RALGDS: variants seen among roughly 807,000 people sequenced by gnomAD.
RALGDS encodes the protein ral guanine nucleotide exchange factor.
In RALGDS, 44 loss-of-function variants were observed where a neutral mutation model predicts 99.8. That is an observed-to-expected ratio of 0.44 (90% CI 0.35 to 0.57). The LOEUF (loss-of-function observed/expected upper bound fraction) is 0.57. Ranked by LOEUF, RALGDS falls within the 20% of genes least tolerant of loss-of-function variation. RALGDS has a pLI of 0.01. For missense variants in RALGDS, 1,022 were observed against 1,203.1 expected (o/e 0.85, Z 2.23); for synonymous variants, 529 against 505.0 (o/e 1.05, Z -0.64).
chr9:133,127,287 G>A (rs1013987548), intron 1 of RALGDS, among the ~76,000 whole-genome samples: 7 of 152,252 alleles, frequency 4.6e-5, no homozygotes, highest in African/African-American at 1.7e-4. Context: ...CGGGAACTGG[G>A]CACAGGGCAG....
chr9:133,098,111 T>G lies in RALGDS; in HGVS notation c.*476A>C. On this transcript the variant is annotated 3_prime_UTR_variant, in exon 18 of 18. Transcript: ENST00000372050. ...CAGTTGGCCCTGATGATGGAATCTT[T>G]GGTGCAGCCTGAGAAAGGCTAGAGT... 1 of 272,716 alleles carries G rather than the reference T, an allele frequency of 3.7e-6. No homozygotes were observed. The highest frequency in any genetic ancestry group is 7.1e-6 in the Non-Finnish European group (1 of 140,922). The allele number at this position is 272,716 out of a possible 1,614,324, so 16.9% of individuals were successfully genotyped here.
At chr9:133,109,413 C>T (rs555392495) in intron 4 of RALGDS, among the ~76,000 whole-genome samples, 4 of 152,318 alleles carry the variant, frequency 2.6e-5, no homozygotes, top group East Asian at 1.9e-4. Context: ...GGGGCTGCCC[C>T]GAGCCCCAGC....
chr9:133,098,938 T>C (rs1830618531), intron 17 of RALGDS, 176 bp from the exon 18 acceptor site: 2 of 631,264 alleles, frequency 3.2e-6, no homozygotes, highest in South Asian at 3.8e-5. Context: ...GGACAGACTC[T>C]GCTGAGGTCC....
intron 1 of RALGDS, among the ~76,000 whole-genome samples, chr9:133,114,312 G>A (rs1472752637): frequency 6.6e-6 from 1 of 152,206 alleles, no homozygotes; most frequent in Non-Finnish European, 1.5e-5. Context: ...GCAGCAGCAG[G>A]CATGGAACCA....
chr9:133,139,167 G>A (rs369578605), intron 1 of RALGDS, among the ~76,000 whole-genome samples: 7 of 152,140 alleles, frequency 4.6e-5, no homozygotes, highest in East Asian at 3.9e-4. Flanking sequence ...CCCAACACAC[G>A]TGCTAGAATG....
chr9:133,107,916 A>G (rs1831151712), intron 6 of RALGDS, 72 bp downstream of exon 6: 12 of 1,568,054 alleles, frequency 7.7e-6, no homozygotes, highest in South Asian at 1.1e-5. Context: ...GGATCAGCAA[A>G]TGGTAGGTCT....
chr9:133,103,659 G>T, intron 11 of RALGDS, 88 bp downstream of exon 11: 1 of 1,328,168 alleles, frequency 7.5e-7, no homozygotes, highest in Non-Finnish European at 1.1e-6. Context: ...TTTACTCATT[G>T]CTGGGACAGG....
rs1057105260 is a variant in RALGDS at position 133,109,785 on chromosome 9, G to C, written c.489-64C>G. The C allele has an allele frequency of 3.9e-5, 55 of 1,427,534 alleles. No individual in the cohort carries two copies. In the African/African-American group the frequency reaches 7.1e-4, roughly 18 times the overall value. The allele number at this position is 1,427,534 out of a possible 1,614,324, so 88.4% of individuals were successfully genotyped here. On this transcript the variant is annotated intron_variant, in intron 3 of 17. Coordinates refer to ENST00000372050, the MANE Select transcript of RALGDS (RefSeq NM_006266.4). ...CTAGAACGGAGGCCCAGGAGGGCAGGGATTTTTTTTTTTGCTTTTTTTCAT... is the reference window on the plus strand; with the variant it reads ...CTAGAACGGAGGCCCAGGAGGGCAGCGATTTTTTTTTTTGCTTTTTTTCAT...
chr9:133,131,152 C>G, upstream of RALGDS: 1 of 1,422,674 alleles, frequency 7.0e-7, no homozygotes, highest in African/African-American at 1.5e-5. Context: ...CCCTGCTCCT[C>G]TGAGCATCTC....
intron 1 of RALGDS, among the ~76,000 whole-genome samples, chr9:133,136,353 C>T (rs114081720): frequency 0.028 from 4,301 of 152,302 alleles, 186 homozygotes; most frequent in African/African-American, 0.098. Flanking sequence ...AACATTTCAC[C>T]TTGGCCGGGC....
rs1430407691 is a variant in RALGDS, at chr9:133,144,396, C to T, written c.18+4567G>A. Among the ~76,000 whole-genome samples, 1 of 152,202 alleles carries T rather than the reference C, an allele frequency of 6.6e-6. No individual in the cohort carries two copies. The highest frequency in any genetic ancestry group is 1.5e-5 in the Non-Finnish European group (1 of 68,032). On this transcript the variant is annotated intron_variant, in intron 1 of 17. Transcript: ENST00000393160. This position sits in a 1 kb window ranked among gnomAD's most constrained non-coding sequence, Gnocchi z 4.5. ...TGTCACCTCCTCCTCCGCCCCCCGCCGGCCTCCGACGCAAAGTCGCCACCC... is the reference window on the plus strand; with the variant it reads ...TGTCACCTCCTCCTCCGCCCCCCGCTGGCCTCCGACGCAAAGTCGCCACCC...
chr9:133,110,166 C>T, intron 3 of RALGDS, 130 bp downstream of exon 3: 1 of 990,486 alleles, frequency 1.0e-6, no homozygotes, highest in African/African-American at 1.6e-5. Flanking sequence ...CCTCTTAGCA[C>T]TCCAGTTTCT....
In RALGDS at chr9:133,144,666, C is replaced by T. The variant is rs1299475773; in HGVS notation, c.18+4297G>A. Among the ~76,000 whole-genome samples, 1 of 152,228 alleles carries T rather than the reference C, an allele frequency of 6.6e-6. No individual in the cohort carries two copies. Among genetic ancestry groups the T allele is most frequent in the African/African-American group, 2.4e-5 (1 of 41,466 alleles). On this transcript the variant is annotated intron_variant, in intron 1 of 17. Transcript: ENST00000393160. This position sits in a 1 kb window ranked among gnomAD's most constrained non-coding sequence, Gnocchi z 4.5. ...GGCGGGCTCCGCTCACGCCCCCACACCCCCTGGCTGGGGGCTGGGTTCCTG... is the reference window on the plus strand; with the variant it reads ...GGCGGGCTCCGCTCACGCCCCCACATCCCCTGGCTGGGGGCTGGGTTCCTG...
At chr9:133,134,385 C>T (rs548059523), upstream of RALGDS, among the ~76,000 whole-genome samples, 12 of 152,338 alleles carry the variant, frequency 7.9e-5, no homozygotes, top group East Asian at 5.8e-4. Context: ...AGTCTGGCGC[C>T]GCCTTTAGCA....
chr9:133,115,521 T>C (rs1831557983), intron 1 of RALGDS, among the ~76,000 whole-genome samples: 1 of 152,134 alleles, frequency 6.6e-6, no homozygotes, highest in African/African-American at 2.4e-5. Context: ...TGCCAGCACC[T>C]CACAGTTCTG....
Position 133,144,544 on chromosome 9 carries a change from TTGTC to T in RALGDS, c.18+4415_18+4418del, listed in dbSNP as rs1427293403. On this transcript the variant is annotated intron_variant, in intron 1 of 17. Coordinates refer to the RALGDS transcript ENST00000393160. This position sits in a 1 kb window ranked among gnomAD's most constrained non-coding sequence, Gnocchi z 4.5. ...TCCTCGCGACCCGAAAGCGAGACCT[TTGTC>T]TGCGGCAGCTCCGCGCCGGGCTGGG... 6.6e-6 allele frequency among the ~76,000 whole-genome samples: 1 copy of T among 152,162 alleles called. No homozygotes were observed. Among genetic ancestry groups the T allele is most frequent in the Non-Finnish European group, 1.5e-5 (1 of 68,026 alleles).
In RALGDS at chr9:133,102,115, G is replaced by A. The variant is rs772631258; in HGVS notation, c.2034C>T (p.Leu678=). The change falls in exon 15 of 18, where the codon CTC becomes CTT. Residue 678 remains leucine (L), a synonymous_variant. Transcript: ENST00000372050. ...TGGAGTGGGAGCTGCCACTGGTACT[G>A]AGCTCAGTGCTGGGGGCCTGGCGGC... The part of the protein sequence containing the change: ...WSDRQAPSTE[L]STSGSSHSKS... 3 of 1,573,262 alleles carry A rather than the reference G, an allele frequency of 1.9e-6. No individual in the cohort carries two copies. Among genetic ancestry groups the A allele is most frequent in the African/African-American group, 1.3e-5 (1 of 74,302 alleles).
At chr9:133,147,432 CT>C (rs778982768) in intron 1 of RALGDS, among the ~76,000 whole-genome samples, 6 of 152,186 alleles carry the variant, frequency 3.9e-5, no homozygotes, top group Non-Finnish European at 5.9e-5. Context: ...GCAGGCCCCC[CT>C]GGGTCACTTT....
At chr9:133,143,795 T>TAATAATAATAATAACAACAAC (rs1832575273) in intron 1 of RALGDS, among the ~76,000 whole-genome samples, 1 of 131,410 alleles carries the variant, frequency 7.6e-6, no homozygotes, top group Non-Finnish European at 1.6e-5. Context: ...ACAATAATAA[T>TAATAATAATAATAACAACAAC]AATAATAATA....
Sources: gnomAD v4.1 joint callset for allele counts (sites outside exome capture counted in the v4.1 genomes callset) on GRCh38, gnomAD v4.1.1 for gene constraint, Gnocchi (gnomAD v3.1) non-coding constraint, MANE v1.5 for transcripts, NCBI Gene and HGNC (gene_info 2026-07-23, HGNC 2026-07-21) for gene names.